DNAJA3: variants seen among roughly 807,000 people sequenced by gnomAD.
The protein encoded by DNAJA3 is DnaJ heat shock protein family (Hsp40) member A3, also known as dnaJ homolog subfamily A member 3, mitochondrial.
Under a neutral mutation model 54.9 loss-of-function variants are expected in DNAJA3, and 29 were observed. That is an observed-to-expected ratio of 0.53 (90% CI 0.39 to 0.72). The LOEUF is 0.72. Among genes scored for constraint, DNAJA3 ranks in the 30% least tolerant of loss-of-function variants. The pLI is 0.00. For synonymous variants in DNAJA3, 302 were observed against 251.4 expected, an observed-to-expected ratio of 1.20 and a Z score of -1.90; for missense variants, 708 against 639.4, an observed-to-expected ratio of 1.11 and a Z score of -1.16.
rs2056853168 is a variant in DNAJA3, at chr16:4,442,830, G to A, written c.784-187G>A. 8 of 632,420 alleles carry A rather than the reference G, an allele frequency of 1.3e-5. No homozygotes were observed. The East Asian group carries it at 1.9e-4, about 15-fold the overall frequency. The allele number at this position is 632,420 out of a possible 1,614,324, so 39.2% of individuals were successfully genotyped here. On this transcript the variant is annotated intron_variant, in intron 5 of 11. Transcript: ENST00000262375. The stretch of plus-strand genomic sequence containing the variant: ...TTGATGATCTGGAGTGCAGAAGTTT[G>A]TGTGTTCTAGAAAATCAGATGAACA...
intron 2 of DNAJA3, among the ~76,000 whole-genome samples, chr16:4,436,447 A>G (rs2056773089): frequency 6.6e-6 from 1 of 152,252 alleles, no homozygotes; most frequent in Non-Finnish European, 1.5e-5. Flanking sequence ...GATCAGGTAA[A>G]GCTGTAGCAA....
intron 8 of DNAJA3, 114 bp downstream of exon 8, chr16:4,447,128 C>A: frequency 7.8e-7 from 1 of 1,288,548 alleles, no homozygotes. Context: ...TGTGGGGGGG[C>A]ACTCACAGGG....
chr16:4,432,405 C>A (rs556603679), intron 1 of DNAJA3, among the ~76,000 whole-genome samples: 2 of 148,748 alleles, frequency 1.3e-5, no homozygotes, highest in Non-Finnish European at 3.0e-5. Flanking sequence ...TGCAATGGCG[C>A]GATCTTGGCT....
intron 10 of DNAJA3, 103 bp downstream of exon 10, chr16:4,450,600 C>T: frequency 3.5e-6 from 3 of 867,840 alleles, no homozygotes; most frequent in South Asian, 1.9e-5. Flanking sequence ...TCGGGTTCTT[C>T]ATGAAGCCTT....
intron 3 of DNAJA3, 171 bp downstream of exon 3, chr16:4,437,656 G>A: frequency 1.7e-6 from 1 of 596,588 alleles, no homozygotes; most frequent in South Asian, 2.2e-5. Flanking sequence ...TCCAGGCCAA[G>A]CATGGTGGCT....
At chr16:4,434,161 G>C (rs1315588457) in intron 1 of DNAJA3, 6 of 528,474 alleles carry the variant, frequency 1.1e-5, no homozygotes, top group Non-Finnish European at 2.0e-5. Flanking sequence ...AGACCAGCAT[G>C]GAGGTAACCG....
At chr16:4,439,215 G>A (rs906659600) in intron 3 of DNAJA3, among the ~76,000 whole-genome samples, 12 of 152,154 alleles carry the variant, frequency 7.9e-5, no homozygotes, top group African/African-American at 2.9e-4. Flanking sequence ...ACAAAAATTA[G>A]CCAGGTGTGG....
In DNAJA3 at chr16:4,442,372, G is replaced by A; in HGVS notation, c.735G>A (p.Glu245=). The A allele has an allele frequency of 6.2e-7, 1 of 1,609,776 alleles. No homozygotes were observed. Among genetic ancestry groups the A allele is most frequent in the Non-Finnish European group, 8.5e-7 (1 of 1,177,942 alleles). ...AGCGCTGCAACGGCAAGGGGAACGA[G>A]CCCGGCACCAAGGTGCAGCATTGCC... ...TCERCNGKGN[E]PGTKVQHCHY... The change falls in exon 5 of 12, where the codon GAG becomes GAA. Residue 245 remains glutamate (E), a synonymous_variant. Transcript: ENST00000262375.
At chr16:4,429,557 G>A (rs916185879) in intron 1 of DNAJA3, among the ~76,000 whole-genome samples, 6 of 152,120 alleles carry the variant, frequency 3.9e-5, no homozygotes, top group East Asian at 3.9e-4. Context: ...GACTGTGGCC[G>A]GACATGGTGG....
At chr16:4,438,559 C>T (rs2056800578) in intron 3 of DNAJA3, among the ~76,000 whole-genome samples, 1 of 151,676 alleles carries the variant, frequency 6.6e-6, no homozygotes, top group Admixed American at 6.6e-5. Context: ...GCATACATCT[C>T]TGAAAACAGC....
intron 1 of DNAJA3, among the ~76,000 whole-genome samples, chr16:4,431,359 C>T (rs2056698217): frequency 6.6e-6 from 1 of 152,202 alleles, no homozygotes; most frequent in Non-Finnish European, 1.5e-5. Context: ...TCTCCTGACC[C>T]CTACTACTTC....
At chr16:4,451,007 A>G (rs1453907045) in intron 10 of DNAJA3, among the ~76,000 whole-genome samples, 1 of 152,180 alleles carries the variant, frequency 6.6e-6, no homozygotes, top group African/African-American at 2.4e-5. Context: ...CCTCCAAGTT[A>G]TCTAGCCGTG....
intron 4 of DNAJA3, 87 bp downstream of exon 4, chr16:4,441,662 A>G: frequency 1.4e-6 from 2 of 1,392,220 alleles, no homozygotes; most frequent in African/African-American, 2.9e-5. Context: ...TTTCTCAGAA[A>G]GGCAAGGCAG....
chr16:4,450,634 G>C (rs1187441208), intron 10 of DNAJA3, 137 bp downstream of exon 10: 1 of 664,960 alleles, frequency 1.5e-6, no homozygotes. Flanking sequence ...TGAAAGAGGG[G>C]GGCTGTGGGC....
In DNAJA3 at chr16:4,425,898, C is replaced by T. The variant is rs760590500; in HGVS notation, c.17C>T (p.Ser6Phe). 1.2e-5 allele frequency: 18 copies of T among 1,542,166 alleles called. No homozygotes were observed. The highest frequency in any genetic ancestry group is 1.6e-5 in the Non-Finnish European group (18 of 1,145,292). ...CGGGCCAAGATGGCTGCGCGGTGCT[C>T]CACACGCTGGTTGCTGGTGGTTGTG... MAARC[S>F]TRWLLVVVGT... is the part of the protein sequence containing the mutation. The change falls in exon 1 of 12, where the codon TCC becomes TTC. Residue 6 changes from serine (S) to phenylalanine (F), a missense_variant. Ser to Phe is a radical substitution (Grantham distance 155). Transcript: ENST00000262375.
At chr16:4,436,066 G>T (rs2056768801) in intron 2 of DNAJA3, among the ~76,000 whole-genome samples, 1 of 152,208 alleles carries the variant, frequency 6.6e-6, no homozygotes, top group South Asian at 2.1e-4. Flanking sequence ...CTTTTTCCCT[G>T]ATGACTAATG....
chr16:4,455,500 C>T (rs955560972), intron 11 of DNAJA3, 46 bp from the exon 12 acceptor site: 1 of 1,550,110 alleles, frequency 6.5e-7, no homozygotes, highest in Non-Finnish European at 8.7e-7. Flanking sequence ...GGGTGTGTTC[C>T]CTTGAAATGT....
chr16:4,432,561 C>T (rs1411892769), intron 1 of DNAJA3, among the ~76,000 whole-genome samples: 2 of 151,894 alleles, frequency 1.3e-5, no homozygotes, highest in African/African-American at 4.8e-5. Context: ...AGGCTGGTCT[C>T]TAACTCCTGA....
At chr16:4,426,228 A>G in intron 1 of DNAJA3, 136 bp downstream of exon 1, 1 of 1,032,878 alleles carries the variant, frequency 9.7e-7, no homozygotes, top group Non-Finnish European at 1.3e-6. Flanking sequence ...CCGGAGACAC[A>G]GACAGGCAGG....
Sources: gnomAD v4.1 joint callset for allele counts (sites outside exome capture counted in the v4.1 genomes callset) on GRCh38, gnomAD v4.1.1 for gene constraint, MANE v1.5 for transcripts, NCBI Gene and HGNC (gene_info 2026-07-23, HGNC 2026-07-21) for gene names.